The following FNDC1 variants were observed in gnomAD, a reference collection of about 807,000 sequenced individuals.
FNDC1 encodes the protein fibronectin type III domain containing 1.
A neutral mutation model predicts 168.0 loss-of-function variants in FNDC1; 96 were observed. The observed-to-expected ratio is 0.57, with a 90% CI of 0.48 to 0.68. The LOEUF (loss-of-function observed/expected upper bound fraction) is 0.68, where lower values mean the gene tolerates loss of function less well. Among genes scored for constraint, FNDC1 ranks in the 30% least tolerant of loss-of-function variants. The pLI is 0.00. For synonymous variants in FNDC1, 1,099 were observed against 1,025.9 expected (o/e 1.07, Z -1.36); for missense variants, 2,587 against 2,482.1 (o/e 1.04, Z -0.90).
intron 1 of FNDC1, among the ~76,000 whole-genome samples, chr6:159,177,452 G>A (rs1057278002): frequency 2.0e-5 from 3 of 152,134 alleles, no homozygotes; most frequent in African/African-American, 7.2e-5. Flanking sequence ...GAACTCACGG[G>A]GCTGGATGGG....
In FNDC1 at chr6:159,233,118, C is replaced by T; in HGVS notation, c.2606C>T (p.Pro869Leu). 1.2e-6 allele frequency: 2 copies of T among 1,603,396 alleles called. No homozygotes were observed. Among genetic ancestry groups the T allele is most frequent in the Non-Finnish European group, 1.7e-6 (2 of 1,175,278 alleles). The change falls in exon 11 of 23, where the codon CCT becomes CTT. Residue 869 changes from proline (P) to leucine (L), a missense_variant. Physicochemically the swap from Pro to Leu is moderately conservative, Grantham distance 98 (BLOSUM62 -3). Transcript: ENST00000297267. This position sits in a 1 kb window ranked among gnomAD's most constrained non-coding sequence, Gnocchi z 4.6. ...PRVPSHSDSH[P>L]KLSSGIHGDE... ...GTTCCCTCTCACTCTGATTCCCACC[C>T]TAAGCTTAGCTCAGGTATCCATGGA...
chr6:159,248,906 G>GGT (rs141634993), intron 15 of FNDC1, 133 bp from the exon 16 acceptor site: 41 of 589,964 alleles, frequency 6.9e-5, no homozygotes, highest in South Asian at 3.0e-4. Flanking sequence ...TTTATTTTAG[G>GGT]GTGTGTGTGT....
intron 2 of FNDC1, among the ~76,000 whole-genome samples, chr6:159,199,007 G>A (rs746191960): frequency 1.3e-5 from 2 of 152,196 alleles, no homozygotes; most frequent in Admixed American, 6.5e-5. Context: ...ATGGGCCTCT[G>A]GCTTGAGGAC....
intron 18 of FNDC1, among the ~76,000 whole-genome samples, chr6:159,258,397 T>C (rs144598946): frequency 0.015 from 2,307 of 152,194 alleles, 65 homozygotes; most frequent in African/African-American, 0.052. Context: ...CTTTATGAGC[T>C]TGGGGATAGA....
rs9457574 is a variant in FNDC1, at chr6:159,244,051, G to A, written c.4622-2850G>A. 2.1e-3 allele frequency among the ~76,000 whole-genome samples: 323 copies of A among 152,256 alleles called. 1 individual carries two copies. The highest frequency in any genetic ancestry group is 7.4e-3 in the African/African-American group (309 of 41,560). On this transcript the variant is annotated intron_variant, in intron 14 of 22. Transcript: ENST00000297267. ...ACTTTTCCCTTTTCTTGTTCACCCT[G>A]TGATGCAAAAACCTTACAATGTATT... is the stretch of plus-strand genomic sequence containing the variant.
intron 1 of FNDC1, among the ~76,000 whole-genome samples, chr6:159,185,668 G>C (rs1391362879): frequency 1.3e-5 from 2 of 152,204 alleles, no homozygotes; most frequent in African/African-American, 4.8e-5. Flanking sequence ...GGGTAAAAAA[G>C]GAGGAAGGTA....
At chr6:159,178,429 C>A (rs112186117) in intron 1 of FNDC1, among the ~76,000 whole-genome samples, 146 of 152,218 alleles carry the variant, frequency 9.6e-4, no homozygotes, top group African/African-American at 3.3e-3. Context: ...GTGGACGTAC[C>A]ATGTACCCTC....
intron 1 of FNDC1, among the ~76,000 whole-genome samples, chr6:159,178,271 G>A (rs181573533): frequency 5.7e-4 from 87 of 152,176 alleles, no homozygotes; most frequent in African/African-American, 1.7e-3. Flanking sequence ...CCTTATTTTC[G>A]CTTTAAAAGC....
At chr6:159,241,257 A>C (rs910503689) in intron 14 of FNDC1, 12 of 152,226 alleles carry the variant, frequency 7.9e-5, no homozygotes, top group African/African-American at 2.9e-4. Flanking sequence ...TATAATTAAA[A>C]CATAATTAGT....
At chr6:159,204,593 G>A (rs142583337) in intron 4 of FNDC1, among the ~76,000 whole-genome samples, 1 of 152,210 alleles carries the variant, frequency 6.6e-6, no homozygotes, top group African/African-American at 2.4e-5. Context: ...CCACATGCAG[G>A]TCTGCCCCCG....
At chr6:159,200,397 A>G (rs1244813465) in intron 3 of FNDC1, 116 bp from the exon 4 acceptor site, 2 of 815,594 alleles carry the variant, frequency 2.5e-6, no homozygotes, top group Non-Finnish European at 4.0e-6. Context: ...TGGGCTGAGC[A>G]GATCCTTTTG....
chr6:159,213,626 T>C (rs1162136701), intron 4 of FNDC1, among the ~76,000 whole-genome samples: 2 of 152,056 alleles, frequency 1.3e-5, no homozygotes, highest in Non-Finnish European at 2.9e-5. Flanking sequence ...ATGTTCCAGC[T>C]GACTCACATA....
chr6:159,175,290 A>T (rs781514323), intron 1 of FNDC1, among the ~76,000 whole-genome samples: 7 of 152,170 alleles, frequency 4.6e-5, no homozygotes, highest in Non-Finnish European at 1.0e-4. Flanking sequence ...TGACCTTACG[A>T]AGTCAGTAAC....
At position 159,231,892 on chromosome 6, in the gene FNDC1, G is replaced by A. The variant is rs761045006; in HGVS notation, c.1380G>A (p.Ala460=). The change falls in exon 11 of 23, where the codon GCG becomes GCA. Residue 460 remains alanine (A), a synonymous_variant. Transcript: ENST00000297267. ...TAAAATCTGTTGCAGCCAGTAAGGC[G>A]GATGTTGAGCAGAACACGGAGGACA... ...FIVAMPTTSK[A]DVEQNTEDNG... 52 of 1,595,442 alleles carry A rather than the reference G, an allele frequency of 3.3e-5. No homozygotes were observed. Among genetic ancestry groups the A allele is most frequent in the Non-Finnish European group, 4.0e-5 (47 of 1,174,606 alleles).
In FNDC1 at chr6:159,227,817, TA is replaced by T. The variant is rs969468320; in HGVS notation, c.1180+1245del. ...AACACTAACGAAAGCTGATGAGCTT[TA>T]AAAAAAAGGTCCATGCATTAGTCTC... On this transcript the variant is annotated intron_variant, in intron 9 of 22. Coordinates refer to ENST00000297267, the MANE Select transcript of FNDC1 (RefSeq NM_032532.3). Among the ~76,000 whole-genome samples the T allele has an allele frequency of 9.2e-5, 14 of 151,940 alleles. No individual in the cohort carries two copies. In the South Asian group the frequency reaches 1.9e-3, roughly 20 times the overall value.
intron 1 of FNDC1, among the ~76,000 whole-genome samples, chr6:159,194,626 G>A (rs901633017): frequency 2.0e-5 from 3 of 152,156 alleles, no homozygotes; most frequent in South Asian, 2.1e-4. Flanking sequence ...TTTATTTCAC[G>A]TTGAAGGATT....
At chr6:159,247,209 T>C (rs529504978) in intron 15 of FNDC1, among the ~76,000 whole-genome samples, 2 of 152,248 alleles carry the variant, frequency 1.3e-5, no homozygotes, top group Admixed American at 1.3e-4. Flanking sequence ...TCCTATCTGG[T>C]CCCTGTGCTC....
In FNDC1 at chr6:159,215,841, G is replaced by A. The variant is rs568198086; in HGVS notation, c.667+690G>A. Among the ~76,000 whole-genome samples, 9 of 152,254 alleles carry A rather than the reference G, an allele frequency of 5.9e-5. No individual in the cohort carries two copies. In the East Asian group the frequency reaches 1.7e-3, roughly 29 times the overall value. On this transcript the variant is annotated intron_variant, in intron 5 of 22. Coordinates refer to ENST00000297267, the MANE Select transcript of FNDC1 (RefSeq NM_032532.3). ...TTCTGCCTGTTTATATTCTAGCTGT[G>A]CTGGCAGTTGATTAGATTGTGCCCA...
Position 159,232,534 on chromosome 6 carries a change from C to T in FNDC1, c.2022C>T (p.Arg674=). The change falls in exon 11 of 23, where the codon CGC becomes CGT. Residue 674 remains arginine, a synonymous_variant. Transcript: ENST00000297267. The surrounding 1 kb of genome is among the most constrained non-coding windows in gnomAD (Gnocchi z 4.9). ...AQPRPALSPS[R]QSPSSVLRDR... ...CCCGGCCAGCCCTGTCCCCCAGCCGCCAGTCCCCGTCCAGCGTTCTCCGCG... is the reference window on the plus strand; with the variant it reads ...CCCGGCCAGCCCTGTCCCCCAGCCGTCAGTCCCCGTCCAGCGTTCTCCGCG... 1.9e-6 allele frequency: 3 copies of T among 1,612,486 alleles called. No individual in the cohort carries two copies. Among genetic ancestry groups the T allele is most frequent in the East Asian group, 2.2e-5 (1 of 44,844 alleles).
Sources: allele counts gnomAD v4.1 joint callset (sites outside exome capture counted in the v4.1 genomes callset), GRCh38; gene constraint gnomAD v4.1.1; non-coding constraint Gnocchi (gnomAD v3.1); transcripts MANE v1.5; gene names NCBI Gene and HGNC (gene_info 2026-07-23, HGNC 2026-07-21).